The following CTNNA3 variants were observed in gnomAD, a reference collection of about 807,000 sequenced individuals.
CTNNA3 encodes the protein catenin alpha 3.
A neutral mutation model predicts 95.7 loss-of-function variants in CTNNA3; 76 were observed. The ratio of observed to expected loss-of-function variants is 0.79; its 90% confidence interval spans 0.66 to 0.96. CTNNA3 has a LOEUF of 0.96. Among genes scored for constraint, CTNNA3 ranks in the 40% least tolerant of loss-of-function variants. The probability of loss-of-function intolerance (pLI) is 0.00; values close to 1 mark genes in which losing one functional copy is unlikely to be tolerated. For missense variants in CTNNA3, 1,191 were observed against 1,089.8 expected, an observed-to-expected ratio of 1.09 and a Z score of -1.31; for synonymous variants, 431 against 374.4, an observed-to-expected ratio of 1.15 and a Z score of -1.74.
chr10:66,189,161 C>T (rs2086512444), intron 13 of CTNNA3, among the ~76,000 whole-genome samples: 1 of 151,634 alleles, frequency 6.6e-6, no homozygotes, highest in Non-Finnish European at 1.5e-5. Flanking sequence ...ATATTTTCTC[C>T]TAATCCGTAT....
At position 66,509,611 on chromosome 10, in the gene CTNNA3, G is replaced by A. The variant is rs561689269; in HGVS notation, c.1531+11006C>T. On this transcript the variant is annotated intron_variant, in intron 11 of 17. Transcript: ENST00000433211. ...ATATCCAGTTTTCAGAGCACCATTTGTTGAAGAGGGTGTCATTTTTTTCAA... is the reference window on the plus strand; with the variant it reads ...ATATCCAGTTTTCAGAGCACCATTTATTGAAGAGGGTGTCATTTTTTTCAA... Among the ~76,000 whole-genome samples, 7 of 151,864 alleles carry A rather than the reference G, an allele frequency of 4.6e-5. No homozygotes were observed. The South Asian group carries it at 1.5e-3, about 32-fold the overall frequency.
chr10:66,938,746 C>T (rs1847850485), intron 7 of CTNNA3, among the ~76,000 whole-genome samples: 1 of 152,104 alleles, frequency 6.6e-6, no homozygotes. Flanking sequence ...ATCTACCAAT[C>T]ATTTTTTCCT....
intron 9 of CTNNA3, among the ~76,000 whole-genome samples, chr10:66,658,935 C>T (rs574560643): frequency 5.9e-5 from 9 of 152,224 alleles, no homozygotes; most frequent in Admixed American, 3.3e-4. Flanking sequence ...GGGATCCCCC[C>T]GCTTCAGCTT....
intron 3 of CTNNA3, among the ~76,000 whole-genome samples, chr10:67,562,471 T>A (rs886469516): frequency 1.3e-5 from 2 of 152,158 alleles, no homozygotes; most frequent in Non-Finnish European, 2.9e-5. Flanking sequence ...ATAAATTAAG[T>A]ATTGATGGGA....
At chr10:66,364,869 A>G (rs1397018034) in intron 12 of CTNNA3, among the ~76,000 whole-genome samples, 2 of 152,154 alleles carry the variant, frequency 1.3e-5, no homozygotes, top group East Asian at 3.9e-4. Context: ...ACAGTCCTCT[A>G]TGTATGTCTC....
At chr10:67,543,624 T>C (rs1418329562) in intron 3 of CTNNA3, among the ~76,000 whole-genome samples, 2 of 152,156 alleles carry the variant, frequency 1.3e-5, no homozygotes, top group African/African-American at 4.8e-5. Context: ...CTTGACATTA[T>C]GTTTATTATT....
intron 10 of CTNNA3, among the ~76,000 whole-genome samples, chr10:66,583,053 A>G (rs559186429): frequency 2.0e-5 from 3 of 151,834 alleles, no homozygotes; most frequent in Non-Finnish European, 4.4e-5. Context: ...TATTTTGTTG[A>G]GCATTTTTGC....
Position 65,915,239 on chromosome 10 carries a change from C to T in CTNNA3, c.*5091G>A, listed in dbSNP as rs1178283746. The T allele has an allele frequency of 2.0e-5, 3 of 152,144 alleles. No homozygotes were observed. Among genetic ancestry groups the T allele is most frequent in the Admixed American group, 6.6e-5 (1 of 15,262 alleles). The allele number at this position is 152,144 out of a possible 1,614,324, so 9.4% of individuals were successfully genotyped here. ...GAATGGCTGAATTTCTGTTTCTCAA[C>T]TTGCAAACAATATTACTAAATCATG... On this transcript the variant is annotated 3_prime_UTR_variant, in exon 18 of 18. Coordinates refer to ENST00000433211, the MANE Select transcript of CTNNA3 (RefSeq NM_013266.4).
In CTNNA3 at chr10:66,086,685, T is replaced by G. The variant is rs181331269; in HGVS notation, c.1977+16472A>C. Among the ~76,000 whole-genome samples, 4 of 152,194 alleles carry G rather than the reference T, an allele frequency of 2.6e-5. No individual in the cohort carries two copies. In the South Asian group the frequency reaches 8.3e-4, roughly 32 times the overall value. On this transcript the variant is annotated intron_variant, in intron 14 of 17. Transcript: ENST00000433211. ...AACCTCAAAATTAGGAAGGACTCAG[T>G]AGAAAAGAACGATCTTTCCTAAGAA...
At chr10:66,484,114 T>C (rs1473181948) in intron 11 of CTNNA3, among the ~76,000 whole-genome samples, 1 of 151,764 alleles carries the variant, frequency 6.6e-6, no homozygotes, top group Non-Finnish European at 1.5e-5. Flanking sequence ...AATAAACAAA[T>C]AAACAAAAAC....
chr10:67,017,397 T>C (rs1440821927), intron 7 of CTNNA3, among the ~76,000 whole-genome samples: 1 of 152,154 alleles, frequency 6.6e-6, no homozygotes, highest in East Asian at 1.9e-4. Context: ...ATCCTGTTGC[T>C]CTGGAAAGAA....
chr10:67,709,679 T>C (rs909644252), intron 1 of CTNNA3, among the ~76,000 whole-genome samples: 8 of 151,390 alleles, frequency 5.3e-5, no homozygotes, highest in Non-Finnish European at 1.0e-4. Context: ...CCAGGTGATA[T>C]CTGATCACCT....
At chr10:66,163,201 A>G (rs144072958) in intron 13 of CTNNA3, among the ~76,000 whole-genome samples, 125 of 151,850 alleles carry the variant, frequency 8.2e-4, no homozygotes, top group African/African-American at 2.8e-3. Context: ...CAGGATTTGC[A>G]CCCTCTCCCC....
chr10:66,271,990 T>A (rs1345261201), intron 13 of CTNNA3, among the ~76,000 whole-genome samples: 2 of 152,238 alleles, frequency 1.3e-5, no homozygotes, highest in Non-Finnish European at 2.9e-5. Flanking sequence ...TTAAATGTGC[T>A]GAGAGCATAA....
chr10:66,239,302 A>G (rs2090000123), intron 13 of CTNNA3, among the ~76,000 whole-genome samples: 1 of 151,858 alleles, frequency 6.6e-6, no homozygotes, highest in African/African-American at 2.4e-5. Context: ...ATTCTAAAAT[A>G]TAATGTATGC....
chr10:67,345,268 A>G (rs1043707223), intron 5 of CTNNA3, among the ~76,000 whole-genome samples: 1 of 152,150 alleles, frequency 6.6e-6, no homozygotes, highest in African/African-American at 2.4e-5. Flanking sequence ...CACATGGTCT[A>G]TCCTTGAGAA....
chr10:66,179,085 C>T (rs1182099720), intron 13 of CTNNA3, among the ~76,000 whole-genome samples: 2 of 151,954 alleles, frequency 1.3e-5, no homozygotes, highest in Non-Finnish European at 2.9e-5. Flanking sequence ...GCTATGTTCA[C>T]CACAAAAACC....
At chr10:67,004,201 A>G (rs1284810758) in intron 7 of CTNNA3, among the ~76,000 whole-genome samples, 1 of 152,184 alleles carries the variant, frequency 6.6e-6, no homozygotes, top group Non-Finnish European at 1.5e-5. Flanking sequence ...AATTGAGAAG[A>G]AGGCCTGAAT....
chr10:67,735,399 A>C (rs145729872), intron 1 of CTNNA3, among the ~76,000 whole-genome samples: 2 of 152,314 alleles, frequency 1.3e-5, no homozygotes, highest in African/African-American at 4.8e-5. Flanking sequence ...TGCAGTCATT[A>C]AAATAATAAC....
Sources: allele counts gnomAD v4.1 joint callset (sites outside exome capture counted in the v4.1 genomes callset), GRCh38; gene constraint gnomAD v4.1.1; transcripts MANE v1.5; gene names NCBI Gene and HGNC (gene_info 2026-07-23, HGNC 2026-07-21).